Variants in EPHB1 observed in about 807,000 individuals in gnomAD.
The protein encoded by EPHB1 is EPH receptor B1.
EPHB1 carries 30 observed loss-of-function variants against 94.4 expected under a neutral mutation model. The ratio of observed to expected loss-of-function variants is 0.32; its 90% CI spans 0.24 to 0.43. The LOEUF (loss-of-function observed/expected upper bound fraction) is 0.43, where lower values mean the gene tolerates loss of function less well. Among genes scored for constraint, EPHB1 ranks in the 20% least tolerant of loss-of-function variants. The pLI, the probability that EPHB1 is intolerant of heterozygous loss-of-function variation, is 1.00. For missense variants in EPHB1, 1,055 were observed against 1,308.3 expected (o/e 0.81, Z 2.99); for synonymous variants, 522 against 489.1 (o/e 1.07, Z -0.89).
intron 12 of EPHB1, among the ~76,000 whole-genome samples, chr3:135,206,764 G>A (rs968770889): frequency 6.6e-6 from 1 of 152,156 alleles, no homozygotes; most frequent in East Asian, 1.9e-4. Context: ...CAGGAGAATT[G>A]CTTAAACCTG....
chr3:135,115,159 T>C (rs1489247034), intron 4 of EPHB1, among the ~76,000 whole-genome samples: 1 of 152,200 alleles, frequency 6.6e-6, no homozygotes, highest in Non-Finnish European at 1.5e-5. Flanking sequence ...AGTGCATCCA[T>C]GTAATCTACT....
At chr3:135,205,640 GA>G (rs1360737929) in intron 12 of EPHB1, among the ~76,000 whole-genome samples, 1 of 152,084 alleles carries the variant, frequency 6.6e-6, no homozygotes. Flanking sequence ...AGCACACAGA[GA>G]ACTTGATAGA....
intron 3 of EPHB1, among the ~76,000 whole-genome samples, chr3:135,073,201 C>T (rs149566807): frequency 2.3e-3 from 356 of 152,140 alleles, no homozygotes; most frequent in Non-Finnish European, 3.9e-3. Flanking sequence ...GAATAAACAA[C>T]ATAGGCCCTG....
intron 8 of EPHB1, 41 bp downstream of exon 8, chr3:135,166,117 A>G (rs1941645445): frequency 6.6e-7 from 1 of 1,518,752 alleles, no homozygotes; most frequent in Non-Finnish European, 9.1e-7. Flanking sequence ...GGACCCAGGA[A>G]GCCCCTCTCC....
intron 3 of EPHB1, among the ~76,000 whole-genome samples, chr3:134,968,565 T>C (rs1337407281): frequency 6.6e-6 from 1 of 151,946 alleles, no homozygotes; most frequent in Non-Finnish European, 1.5e-5. Context: ...TTTTTGTGAC[T>C]TCTTAATTCT....
chr3:135,025,044 CT>C (rs1391182919), intron 3 of EPHB1, among the ~76,000 whole-genome samples: 1 of 151,014 alleles, frequency 6.6e-6, no homozygotes. Flanking sequence ...ATATTTACAA[CT>C]TTTTTGTTAA....
At position 134,991,711 on chromosome 3, in the gene EPHB1, A is replaced by G. The variant is rs190275290; in HGVS notation, c.805+39659A>G. Among the ~76,000 whole-genome samples, 35 of 151,640 alleles carry G rather than the reference A, an allele frequency of 2.3e-4. 1 individual carries two copies. Among genetic ancestry groups the G allele is most frequent in the African/African-American group, 8.2e-4 (34 of 41,334 alleles). ...GCTCTTTGTTCCTTGCCTGCCCCAC[A>G]TTTTCTTTCAACTTGAGGCCTTTCC... On this transcript the variant is annotated intron_variant, in intron 3 of 15. Coordinates refer to ENST00000398015, the MANE Select transcript of EPHB1 (RefSeq NM_004441.5).
chr3:135,096,708 C>T (rs946459182), intron 3 of EPHB1, among the ~76,000 whole-genome samples: 2 of 152,158 alleles, frequency 1.3e-5, no homozygotes, highest in Admixed American at 1.3e-4. Flanking sequence ...AGAAAGAAAG[C>T]TCTCTCGTAT....
intron 4 of EPHB1, among the ~76,000 whole-genome samples, chr3:135,119,889 A>G (rs926831955): frequency 5.3e-5 from 8 of 152,138 alleles, no homozygotes; most frequent in African/African-American, 1.9e-4. Flanking sequence ...GCTCCACCTG[A>G]ATTGTCCACA....
chr3:134,980,026 A>AT (rs1934346310), intron 3 of EPHB1, among the ~76,000 whole-genome samples: 1 of 152,242 alleles, frequency 6.6e-6, no homozygotes, highest in African/African-American at 2.4e-5. Context: ...CAATTGCTGC[A>AT]TAGCAAAACA....
intron 2 of EPHB1, among the ~76,000 whole-genome samples, chr3:134,948,312 C>T (rs187701335): frequency 1.1e-3 from 154 of 141,824 alleles, no homozygotes; most frequent in African/African-American, 4.0e-3. Flanking sequence ...TGTTGTGTTT[C>T]AACAATAGCA....
chr3:134,937,782 G>A (rs6788931), intron 2 of EPHB1, among the ~76,000 whole-genome samples: 51,997 of 152,128 alleles, frequency 0.34, 9,268 homozygotes, highest in Middle Eastern at 0.48. Flanking sequence ...CTACAAGGCC[G>A]TGTTGGGCAG....
At chr3:134,873,902 A>G (rs938609777) in intron 1 of EPHB1, among the ~76,000 whole-genome samples, 1 of 152,206 alleles carries the variant, frequency 6.6e-6, no homozygotes, top group African/African-American at 2.4e-5. Flanking sequence ...TTGTGAGGTC[A>G]TGGGGCAGTA....
chr3:135,166,086 C>T lies in EPHB1; in HGVS notation c.1694+10C>T. 2 of 1,604,516 alleles carry T rather than the reference C, an allele frequency of 1.2e-6. No individual in the cohort carries two copies. The highest frequency in any genetic ancestry group is 1.7e-6 in the Non-Finnish European group (2 of 1,171,378). On this transcript the variant is annotated intron_variant, in intron 8 of 15. Coordinates refer to ENST00000398015, the MANE Select transcript of EPHB1 (RefSeq NM_004441.5). ...CTATCGTCTGTAGCAGGTAGGTCCT[C>T]CACTCTCACTTGCTCTCCTTGGACC...
intron 12 of EPHB1, among the ~76,000 whole-genome samples, chr3:135,215,603 C>T (rs542163188): frequency 2.0e-5 from 3 of 152,214 alleles, no homozygotes; most frequent in Non-Finnish European, 4.4e-5. Flanking sequence ...AATTGAGGAC[C>T]TCGTGGCAGG....
intron 1 of EPHB1, among the ~76,000 whole-genome samples, chr3:134,878,464 G>A (rs909252350): frequency 9.2e-5 from 14 of 152,228 alleles, no homozygotes; most frequent in African/African-American, 2.6e-4. Flanking sequence ...GGTCGACATC[G>A]TCATCCCCTG....
intron 2 of EPHB1, among the ~76,000 whole-genome samples, chr3:134,935,942 G>A (rs1473623785): frequency 6.6e-6 from 1 of 152,214 alleles, no homozygotes; most frequent in African/African-American, 2.4e-5. Flanking sequence ...AAGGAAGGAA[G>A]GTGGCATCTC....
intron 3 of EPHB1, among the ~76,000 whole-genome samples, chr3:134,953,063 G>T (rs909903475): frequency 2.0e-5 from 3 of 152,090 alleles, no homozygotes; most frequent in Admixed American, 6.5e-5. Context: ...TACCCCTAGG[G>T]TTACCCTTAG....
intron 12 of EPHB1, among the ~76,000 whole-genome samples, chr3:135,223,794 A>G (rs1009894638): frequency 1.3e-5 from 2 of 152,210 alleles, no homozygotes; most frequent in Non-Finnish European, 2.9e-5. Context: ...ATTTCAAAAA[A>G]TTGTTTGATG....
Sources: allele counts gnomAD v4.1 joint callset (sites outside exome capture counted in the v4.1 genomes callset), GRCh38; gene constraint gnomAD v4.1.1; transcripts MANE v1.5; gene names NCBI Gene and HGNC (gene_info 2026-07-23, HGNC 2026-07-21).